HMGB1: variants seen among roughly 807,000 people sequenced by gnomAD.
HMGB1 encodes high mobility group protein B1.
For missense variants in HMGB1, 79 were observed against 253.5 expected (o/e 0.31, Z 4.67); for synonymous variants, 81 against 84.0 (o/e 0.96, Z 0.19).
Position 30,462,729 on chromosome 13 carries a change from T to A in HMGB1, c.297-17A>T, listed in dbSNP as rs757365859. On this transcript the variant is annotated splice_polypyrimidine_tract_variant and intron_variant, in intron 3 of 4. Coordinates refer to ENST00000341423, the MANE Select transcript of HMGB1 (RefSeq NM_002128.7). ...AAGGCCGAACTAAAAAAAAAATTAATTTTAGGATTTTAAGTTAACAGATCA... is the reference window on the plus strand; with the variant it reads ...AAGGCCGAACTAAAAAAAAAATTAAATTTAGGATTTTAAGTTAACAGATCA... 6.2e-7 allele frequency: 1 copy of A among 1,601,962 alleles called. No individual in the cohort carries two copies.
intron 1 of HMGB1, among the ~76,000 whole-genome samples, chr13:30,492,213 G>C (rs111637214): frequency 0.039 from 5,862 of 151,782 alleles, 362 homozygotes; most frequent in African/African-American, 0.13. Flanking sequence ...GAAAAGGCTA[G>C]GCACAGTGGT....
At chr13:30,475,667 T>C (rs1887079755) in intron 1 of HMGB1, among the ~76,000 whole-genome samples, 2 of 151,992 alleles carry the variant, frequency 1.3e-5, no homozygotes, top group South Asian at 4.1e-4. Context: ...GCCATCACAC[T>C]CCATCCAGCC....
intron 1 of HMGB1, among the ~76,000 whole-genome samples, chr13:30,599,878 A>G (rs1217449971): frequency 6.6e-6 from 1 of 152,230 alleles, no homozygotes; most frequent in African/African-American, 2.4e-5. Context: ...TAACAGGCCT[A>G]GACCTTAATT....
chr13:30,588,054 C>A (rs1250243010), intron 1 of HMGB1, among the ~76,000 whole-genome samples: 1 of 152,232 alleles, frequency 6.6e-6, no homozygotes, highest in South Asian at 2.1e-4. Context: ...TCATGCATGT[C>A]TGCCAGTCTA....
chr13:30,498,593 C>G (rs1202545393), intron 1 of HMGB1, among the ~76,000 whole-genome samples: 2 of 151,224 alleles, frequency 1.3e-5, no homozygotes, highest in African/African-American at 4.9e-5. Flanking sequence ...GATTCTTGCC[C>G]CAAATACACA....
intron 1 of HMGB1, among the ~76,000 whole-genome samples, chr13:30,492,882 T>G (rs1887528906): frequency 6.7e-6 from 1 of 149,544 alleles, no homozygotes; most frequent in African/African-American, 2.5e-5. Flanking sequence ...TCCCAGCTAC[T>G]CAGGAGCCTG....
At chr13:30,537,652 C>CATATTATATATATAT (rs1491255988) in intron 1 of HMGB1, among the ~76,000 whole-genome samples, 1 of 68,004 alleles carries the variant, frequency 1.5e-5, no homozygotes, top group Admixed American at 1.9e-4. Flanking sequence ...CATTCTTGTT[C>CATATTATATATATAT]ATATATATAT....
At chr13:30,526,337 GCA>G (rs1888366877) in intron 1 of HMGB1, among the ~76,000 whole-genome samples, 2 of 152,176 alleles carry the variant, frequency 1.3e-5, no homozygotes, top group African/African-American at 4.8e-5. Context: ...GTTTATAGGC[GCA>G]AGCCACTACG....
chr13:30,566,188 T>C (rs1386637810), intron 1 of HMGB1, among the ~76,000 whole-genome samples: 2 of 152,214 alleles, frequency 1.3e-5, no homozygotes, highest in African/African-American at 4.8e-5. Context: ...TAATATTTGA[T>C]ACAGTGAGTC....
chr13:30,548,469 G>T (rs1869271052), intron 1 of HMGB1, among the ~76,000 whole-genome samples: 1 of 152,158 alleles, frequency 6.6e-6, no homozygotes, highest in Non-Finnish European at 1.5e-5. Flanking sequence ...TACAGCACCT[G>T]ACTAGGAAAC....
intron 1 of HMGB1, among the ~76,000 whole-genome samples, chr13:30,475,026 G>A (rs371474510): frequency 1.3e-5 from 1 of 76,688 alleles, no homozygotes; most frequent in African/African-American, 5.5e-5. Flanking sequence ...TGCGACCTCA[G>A]CTCTCTCTCT....
intron 1 of HMGB1, among the ~76,000 whole-genome samples, chr13:30,582,681 T>C (rs1428141223): frequency 6.6e-6 from 1 of 151,346 alleles, no homozygotes; most frequent in Admixed American, 6.6e-5. Flanking sequence ...GAAGAAGTGA[T>C]GAAAAATTAC....
At chr13:30,605,935 T>C (rs951992549) in intron 1 of HMGB1, among the ~76,000 whole-genome samples, 3 of 152,120 alleles carry the variant, frequency 2.0e-5, no homozygotes, top group Non-Finnish European at 4.4e-5. Flanking sequence ...ATAAGTCCAT[T>C]CTCCTACATA....
rs1253623296 is a variant in HMGB1, at chr13:30,538,470, C to CTTTCTT, written c.-14-74782_-14-74777dup. ...CTAGCAATTCTTTCTTTCTTTCTTT[C>CTTTCTT]TTTCTTTCTTTCTTTCTTTCTTTCT... On this transcript the variant is annotated intron_variant, in intron 1 of 4. Coordinates refer to the HMGB1 transcript ENST00000405805. Among the ~76,000 whole-genome samples the CTTTCTT allele has an allele frequency of 6.5e-5, 3 of 45,986 alleles. 1 individual carries two copies. Among genetic ancestry groups the CTTTCTT allele is most frequent in the African/African-American group, 2.6e-4 (3 of 11,744 alleles). 30.2% of individuals were successfully genotyped at this position (45,986 alleles called of 152,430 possible).
chr13:30,589,368 C>G (rs753690485), intron 1 of HMGB1, among the ~76,000 whole-genome samples: 2 of 152,118 alleles, frequency 1.3e-5, no homozygotes, highest in Non-Finnish European at 2.9e-5. Flanking sequence ...TCTAGGGTCA[C>G]AAAGATTGTA....
At position 30,464,141 on chromosome 13, in the gene HMGB1, C is replaced by T. The variant is rs112688675; in HGVS notation, c.-14-447G>A. The T allele has an allele frequency of 0.019, 16,029 of 860,770 alleles. 1,939 individuals carry two copies. The African/African-American group carries it at 0.37, about 20-fold the overall frequency. The allele number at this position is 860,770 out of a possible 1,614,324, so 53.3% of individuals were successfully genotyped here. ...GAGTCGACTCTTCCTAATTATGGGACCTTAAAAAAAAAAAATCACCGTGCA... is the reference window on the plus strand; with the variant it reads ...GAGTCGACTCTTCCTAATTATGGGATCTTAAAAAAAAAAAATCACCGTGCA... On this transcript the variant is annotated intron_variant, in intron 1 of 4. Coordinates refer to ENST00000341423, the MANE Select transcript of HMGB1 (RefSeq NM_002128.7).
intron 1 of HMGB1, among the ~76,000 whole-genome samples, chr13:30,524,597 C>A (rs1888321333): frequency 6.6e-6 from 1 of 151,996 alleles, no homozygotes; most frequent in Non-Finnish European, 1.5e-5. Flanking sequence ...GCAGGAGAAT[C>A]ATTTGAACCC....
chr13:30,576,343 G>C (rs886689635), intron 1 of HMGB1, among the ~76,000 whole-genome samples: 15 of 150,090 alleles, frequency 1.0e-4, no homozygotes, highest in African/African-American at 3.8e-4. Context: ...CTTGTTTGTA[G>C]AATAAAGAAT....
At chr13:30,526,323 C>A (rs1392681728) in intron 1 of HMGB1, among the ~76,000 whole-genome samples, 2 of 152,200 alleles carry the variant, frequency 1.3e-5, no homozygotes, top group East Asian at 1.9e-4. Flanking sequence ...TCCCAAAGTG[C>A]TGGGTTTATA....
Sources: gnomAD v4.1 joint callset for allele counts (sites outside exome capture counted in the v4.1 genomes callset) on GRCh38, gnomAD v4.1.1 for gene constraint, MANE v1.5 for transcripts, NCBI Gene and HGNC (gene_info 2026-07-23, HGNC 2026-07-21) for gene names.